TRAPPC13: variants seen among roughly 807,000 people sequenced by gnomAD.
TRAPPC13 encodes REV7-interacting novel NHEJ regulator 1.
TRAPPC13 carries 39 observed loss-of-function variants against 54.0 expected under a neutral mutation model. The observed-to-expected ratio is 0.72, with a 90% CI of 0.56 to 0.94. The LOEUF is 0.94. TRAPPC13 is among the 40% of genes least tolerant of loss of function. TRAPPC13 has a pLI of 0.00. For missense variants in TRAPPC13, 386 were observed against 488.1 expected (o/e 0.79, Z 1.97); for synonymous variants, 148 against 167.7 (o/e 0.88, Z 0.91).
At chr5:65,636,111 C>T in intron 3 of TRAPPC13, 68 bp downstream of exon 3, 1 of 1,026,206 alleles carries the variant, frequency 9.7e-7, no homozygotes, top group Admixed American at 2.4e-5. Flanking sequence ...AAAACAGAAC[C>T]ATGGGATGGG....
chr5:65,650,409 G>A (rs561785065), intron 5 of TRAPPC13, among the ~76,000 whole-genome samples: 11 of 151,946 alleles, frequency 7.2e-5, no homozygotes, highest in South Asian at 4.2e-4. Context: ...TGATCCGCCC[G>A]CCTTGACCTC....
chr5:65,641,301 A>G (rs766195712), intron 4 of TRAPPC13, among the ~76,000 whole-genome samples: 4 of 152,056 alleles, frequency 2.6e-5, no homozygotes, highest in Non-Finnish European at 4.4e-5. Flanking sequence ...CTTGATATTG[A>G]CCTGTATTTG....
intron 5 of TRAPPC13, among the ~76,000 whole-genome samples, chr5:65,649,437 T>A (rs923645451): frequency 6.6e-6 from 1 of 152,202 alleles, no homozygotes; most frequent in Non-Finnish European, 1.5e-5. Context: ...TTAAATTTCT[T>A]CCAACCACTA....
chr5:65,645,743 G>T (rs924229707), intron 4 of TRAPPC13, among the ~76,000 whole-genome samples: 1 of 152,194 alleles, frequency 6.6e-6, no homozygotes. Flanking sequence ...GATGGAGCTT[G>T]CAGTGAGCCG....
rs150483175 is a variant in TRAPPC13 at position 65,652,647 on chromosome 5, G to A, written c.546+102G>A. The A allele has an allele frequency of 5.5e-4, 462 of 846,128 alleles. 3 individuals are homozygous for A. The African/African-American group carries it at 6.7e-3, about 12-fold the overall frequency. The allele number at this position is 846,128 out of a possible 1,614,324, so 52.4% of individuals were successfully genotyped here. On this transcript the variant is annotated intron_variant, in intron 7 of 12. Transcript: ENST00000399438. Reference sequence around the variant, plus strand: ...TCTAATACTGAAGCAAATCGCCAACGTGACTGTAAATTATTTGAAAAAATC... The same window carrying A: ...TCTAATACTGAAGCAAATCGCCAACATGACTGTAAATTATTTGAAAAAATC...
At chr5:65,625,184 C>T in intron 1 of TRAPPC13, 78 bp downstream of exon 1, 3 of 1,225,926 alleles carry the variant, frequency 2.4e-6, no homozygotes, top group Non-Finnish European at 3.6e-6. Context: ...CCATGTAGGC[C>T]TCATCCTTCT....
rs1241129447 is a variant in TRAPPC13, at chr5:65,635,336, A to G, written c.82A>G (p.Ile28Val). 2 of 1,613,670 alleles carry G rather than the reference A, an allele frequency of 1.2e-6. No homozygotes were observed. Among genetic ancestry groups the G allele is most frequent in the Non-Finnish European group, 8.5e-7 (1 of 1,179,706 alleles). ...RLTKPTLFTN[I>V]PVTCEEKDLP... ...GACTAAGCCTACTTTATTCACCAAT[A>G]TCCCAGTAACATGTGAAGAGAAAGA... is the stretch of plus-strand genomic sequence containing the variant. Residue 28 changes from isoleucine (I) to valine (V), a missense_variant, in exon 2 of 13, where the codon ATC becomes GTC. By Grantham distance (29) the Ile-to-Val change is conservative. Coordinates refer to ENST00000399438, the MANE Select transcript of TRAPPC13 (RefSeq NM_024941.4).
chr5:65,650,943 G>A, intron 6 of TRAPPC13, 61 bp downstream of exon 6: 1 of 1,202,966 alleles, frequency 8.3e-7, no homozygotes, highest in East Asian at 2.4e-5. Context: ...GTAGTATACA[G>A]TTATTCCCGT....
At chr5:65,628,178 AT>A (rs1047899883) in intron 1 of TRAPPC13, among the ~76,000 whole-genome samples, 4 of 152,140 alleles carry the variant, frequency 2.6e-5, no homozygotes, top group African/African-American at 9.7e-5. Flanking sequence ...CAGTGACTTA[AT>A]TTGGGGCAAC....
intron 9 of TRAPPC13, among the ~76,000 whole-genome samples, chr5:65,660,303 A>G (rs1756804331): frequency 6.6e-6 from 1 of 151,912 alleles, no homozygotes. Context: ...CAATTTTATA[A>G]GTAATATATT....
rs1755144441 is a variant in TRAPPC13, at chr5:65,625,106, G to T, written c.46G>T (p.Val16Leu). 1.9e-6 allele frequency: 3 copies of T among 1,613,620 alleles called. No homozygotes were observed. The highest frequency in any genetic ancestry group is 2.5e-6 in the Non-Finnish European group (3 of 1,179,568). Reference protein sequence around the residue: ...PKQEHLLALKVMRLTKPTLFT... With the variant: ...PKQEHLLALKLMRLTKPTLFT... ...ACAGGAGCACCTGCTGGCGCTAAAA[G>T]GTAAACTTTTGCGAACCTGATTCCC... Residue 16 changes from valine (V) to leucine (L), a missense_variant and splice_region_variant, in exon 1 of 13, where the codon GTG (valine) becomes TTG (leucine). Coordinates refer to ENST00000399438, the MANE Select transcript of TRAPPC13 (RefSeq NM_024941.4).
intron 1 of TRAPPC13, among the ~76,000 whole-genome samples, chr5:65,628,683 G>C (rs1205064073): frequency 6.6e-6 from 1 of 151,834 alleles, no homozygotes; most frequent in Non-Finnish European, 1.5e-5. Context: ...TGTTGGCCAG[G>C]CTGGTCTCAA....
intron 8 of TRAPPC13, among the ~76,000 whole-genome samples, chr5:65,657,063 C>T (rs1756682701): frequency 6.7e-6 from 1 of 149,968 alleles, no homozygotes; most frequent in Non-Finnish European, 1.5e-5. Context: ...GGCAACAGAG[C>T]AAGACTCCAT....
At chr5:65,662,391 T>C (rs1354875148) in intron 11 of TRAPPC13, 2 of 310,534 alleles carry the variant, frequency 6.4e-6, no homozygotes, top group East Asian at 6.0e-5. Flanking sequence ...CCCTATGAGG[T>C]AGGTATTCAT....
At chr5:65,630,663 C>T (rs1755507420) in intron 1 of TRAPPC13, 1 of 1,008,902 alleles carries the variant, frequency 9.9e-7, no homozygotes, top group Non-Finnish European at 1.2e-6. Flanking sequence ...TTTTCCTTAC[C>T]TCAAGTGTAA....
chr5:65,644,069 T>C (rs1298847037), intron 4 of TRAPPC13, among the ~76,000 whole-genome samples: 1 of 152,230 alleles, frequency 6.6e-6, no homozygotes, highest in Admixed American at 6.5e-5. Context: ...TTGAAAATGC[T>C]ACTCCTTTAT....
Position 65,637,722 on chromosome 5 carries a change from C to T in TRAPPC13, c.242C>T (p.Ser81Phe). ...AATATATTTTTGGGAGAGACCTTTT[C>T]CAGTTATATCAGCGTTCATAATGAT... Reference protein sequence around the residue: ...FGNIFLGETFSSYISVHNDSN... With the variant: ...FGNIFLGETFFSYISVHNDSN... Residue 81 changes from serine (S) to phenylalanine (F), a missense_variant, in exon 4 of 13, where the codon TCC becomes TTC. Ser to Phe is a radical substitution (Grantham distance 155). Coordinates refer to ENST00000399438, the MANE Select transcript of TRAPPC13 (RefSeq NM_024941.4). The T allele has an allele frequency of 6.4e-7, 1 of 1,570,226 alleles. No homozygotes were observed. Among genetic ancestry groups the T allele is most frequent in the South Asian group, 1.2e-5 (1 of 86,094 alleles).
rs1046377496 is a variant in TRAPPC13, at chr5:65,652,674, C to G, written c.546+129C>G. On this transcript the variant is annotated intron_variant, in intron 7 of 12. Coordinates refer to ENST00000399438, the MANE Select transcript of TRAPPC13 (RefSeq NM_024941.4). The stretch of plus-strand genomic sequence containing the variant: ...GACTGTAAATTATTTGAAAAAATCA[C>G]AAATTTCAGTTAAAATTGAATAATT... The G allele has an allele frequency of 4.0e-6, 3 of 752,882 alleles. No homozygotes were observed. In the African/African-American group the frequency reaches 5.2e-5, roughly 13 times the overall value. 46.6% of individuals were successfully genotyped at this position (752,882 alleles called of 1,614,324 possible).
chr5:65,653,989 A>G (rs1222862500), intron 7 of TRAPPC13, among the ~76,000 whole-genome samples: 1 of 152,132 alleles, frequency 6.6e-6, no homozygotes, highest in Non-Finnish European at 1.5e-5. Context: ...AATGTTAACT[A>G]TTCTGTTAGA....
Sources: gnomAD v4.1 joint callset for allele counts (sites outside exome capture counted in the v4.1 genomes callset) on GRCh38, gnomAD v4.1.1 for gene constraint, MANE v1.5 for transcripts, NCBI Gene and HGNC (gene_info 2026-07-23, HGNC 2026-07-21) for gene names.